TGFBI: variants seen among roughly 807,000 people sequenced by gnomAD.
The protein encoded by TGFBI is transforming growth factor-beta-induced protein ig-h3.
A neutral mutation model predicts 73.7 loss-of-function variants in TGFBI; 50 were observed. The observed-to-expected ratio is 0.68, with a 90% CI of 0.54 to 0.86. The LOEUF (loss-of-function observed/expected upper bound fraction) is 0.86, where lower values mean the gene tolerates loss of function less well. Ranked by LOEUF, TGFBI falls within the 40% of genes least tolerant of loss-of-function variation. The pLI, the probability that TGFBI is intolerant of heterozygous loss-of-function variation, is 0.00. For missense variants in TGFBI, 839 were observed against 877.0 expected (o/e 0.96, Z 0.55); for synonymous variants, 362 against 360.5 (o/e 1.00, Z -0.05).
In TGFBI at chr5:136,056,674, A is replaced by C. The variant is rs1413089151; in HGVS notation, c.1557A>C (p.Val519=). Residue 519 remains valine, a synonymous_variant, in exon 12 of 17, where the codon GTA becomes GTC. Transcript: ENST00000442011. The part of the protein sequence containing the change: ...LKGDNRFSML[V]AAIQSAGLTE... ...GTGTGTGTATCTACAGCATGCTGGT[A>C]GCTGCCATCCAGTCTGCAGGACTGA... is the stretch of plus-strand genomic sequence containing the variant. 6.2e-7 allele frequency: 1 copy of C among 1,613,966 alleles called. No individual in the cohort carries two copies. Among genetic ancestry groups the C allele is most frequent in the Admixed American group, 1.7e-5 (1 of 60,020 alleles).
At chr5:136,036,554 A>G (rs1207446257) in intron 2 of TGFBI, among the ~76,000 whole-genome samples, 2 of 152,094 alleles carry the variant, frequency 1.3e-5, no homozygotes, top group Non-Finnish European at 2.9e-5. Context: ...GTGGCTTGGC[A>G]GGGCTCCTGT....
intron 7 of TGFBI, among the ~76,000 whole-genome samples, chr5:136,051,296 G>T (rs920188554): frequency 2.0e-5 from 3 of 151,996 alleles, no homozygotes; most frequent in Non-Finnish European, 4.4e-5. Flanking sequence ...TGGGTGTGGT[G>T]GTGGCCACCT....
At chr5:136,048,628 G>A (rs1053650468) in intron 6 of TGFBI, 22 of 152,306 alleles carry the variant, frequency 1.4e-4, no homozygotes, top group African/African-American at 5.3e-4. Flanking sequence ...TGGAAAGTCA[G>A]GGAGTTCTCT....
intron 12 of TGFBI, 115 bp from the exon 13 acceptor site, chr5:136,058,975 C>T: frequency 7.5e-7 from 1 of 1,330,640 alleles, no homozygotes; most frequent in East Asian, 2.5e-5. Flanking sequence ...ATTCCCTGGG[C>T]AGGGAGTTCT....
intron 1 of TGFBI, among the ~76,000 whole-genome samples, chr5:136,030,544 C>A (rs2126900812): frequency 6.6e-6 from 1 of 152,286 alleles, no homozygotes; most frequent in East Asian, 1.9e-4. Flanking sequence ...GAGGAGAATA[C>A]TGGGGATATC....
rs1360604866 is a variant in TGFBI at position 136,029,042 on chromosome 5, C to T, written c.-14C>T. ...GTCGGTCGCTAGCTCGCTCGGTGCG[C>T]GTCGTCCCGCTCCATGGCGCTCTTC... On this transcript the variant is annotated 5_prime_UTR_variant, in exon 1 of 17. Transcript: ENST00000442011. The T allele has an allele frequency of 6.6e-7, 1 of 1,522,590 alleles. No individual in the cohort carries two copies. The highest frequency in any genetic ancestry group is 1.4e-5 in the African/African-American group (1 of 70,580). 94.3% of individuals were successfully genotyped at this position (1,522,590 alleles called of 1,614,324 possible).
At chr5:136,049,038 G>A (rs1466935809) in intron 6 of TGFBI, 3 of 194,800 alleles carry the variant, frequency 1.5e-5, no homozygotes, top group Non-Finnish European at 3.2e-5. Flanking sequence ...CATGAGTGTA[G>A]GCACAGCAGA....
In TGFBI at chr5:136,056,810, A is replaced by G. The variant is rs200202768; in HGVS notation, c.1678+15A>G. 1.1e-4 allele frequency: 179 copies of G among 1,606,824 alleles called. No individual in the cohort carries two copies. The highest frequency in any genetic ancestry group is 1.4e-4 in the Non-Finnish European group (163 of 1,176,146). On this transcript the variant is annotated intron_variant, in intron 12 of 16. Coordinates refer to ENST00000442011, the MANE Select transcript of TGFBI (RefSeq NM_000358.3). ...CAGACTCTTGGGTAAAGACCAACTT[A>G]AGTACACGTCTCCATTTTTCTAAAG...
intron 13 of TGFBI, among the ~76,000 whole-genome samples, chr5:136,060,338 A>G (rs1232252936): frequency 6.6e-6 from 1 of 152,254 alleles, no homozygotes; most frequent in Non-Finnish European, 1.5e-5. Flanking sequence ...TTAATCCACC[A>G]CACTGAAGGT....
Position 136,029,067 on chromosome 5 carries a change from C to T in TGFBI, c.12C>T (p.Phe4=), listed in dbSNP as rs1270971938. 2 of 1,527,640 alleles carry T rather than the reference C, an allele frequency of 1.3e-6. No individual in the cohort carries two copies. Among genetic ancestry groups the T allele is most frequent in the Non-Finnish European group, 1.7e-6 (2 of 1,144,250 alleles). The allele number at this position is 1,527,640 out of a possible 1,614,324, so 94.6% of individuals were successfully genotyped here. Residue 4 remains phenylalanine, a synonymous_variant, in exon 1 of 17, where the codon TTC becomes TTT. Transcript: ENST00000442011. ...CGTCGTCCCGCTCCATGGCGCTCTT[C>T]GTGCGGCTGCTGGCTCTCGCCCTGG... MAL[F]VRLLALALAL...
intron 9 of TGFBI, 165 bp from the exon 10 acceptor site, chr5:136,054,551 A>C: frequency 1.0e-6 from 1 of 980,102 alleles, no homozygotes; most frequent in South Asian, 1.3e-5. Flanking sequence ...TTAATTCTCC[A>C]TAGAAGATAC....
chr5:136,056,634 C>T, intron 11 of TGFBI, 31 bp from the exon 12 acceptor site: 1 of 1,613,572 alleles, frequency 6.2e-7, no homozygotes, highest in Non-Finnish European at 8.5e-7. Flanking sequence ...TACCTGTTGA[C>T]AGGTGACATT....
rs554888573 is a variant in TGFBI at position 136,056,794 on chromosome 5, G to A, written c.1677G>A (p.Leu559=). The change falls in exon 12 of 17, where the codon TTG becomes TTA. Residue 559 remains leucine, a splice_region_variant and synonymous_variant. Transcript: ENST00000442011. ...CACCAAGAGAACGGAGCAGACTCTT[G>A]GGTAAAGACCAACTTAAGTACACGT... ...ALPPRERSRL[L]GDAKELANIL... is the part of the protein sequence containing the mutation. 4 of 1,612,466 alleles carry A rather than the reference G, an allele frequency of 2.5e-6. No homozygotes were observed. The South Asian group carries it at 4.4e-5, about 18-fold the overall frequency.
rs74291926 is a variant in TGFBI, at chr5:136,050,028, A to C, written c.913+448A>C. The stretch of plus-strand genomic sequence containing the variant: ...CTAGGGGATTTATGGATAAACCAAA[A>C]TTACAGTTAAAAACCAGCCATAGGC... On this transcript the variant is annotated intron_variant, in intron 7 of 16. Transcript: ENST00000442011. Among the ~76,000 whole-genome samples the C allele has an allele frequency of 2.0e-5, 3 of 152,312 alleles. No individual in the cohort carries two copies. In the East Asian group the frequency reaches 5.8e-4, roughly 29 times the overall value.
At chr5:136,060,182 T>TTCAGTC (rs1751722445) in intron 13 of TGFBI, among the ~76,000 whole-genome samples, 1 of 152,230 alleles carries the variant, frequency 6.6e-6, no homozygotes, top group African/African-American at 2.4e-5. Context: ...TTCGCCTGTC[T>TTCAGTC]TCAGTCTCAG....
At chr5:136,033,602 C>T (rs772359708) in intron 1 of TGFBI, among the ~76,000 whole-genome samples, 161 bp from the exon 2 acceptor site, 1 of 152,130 alleles carries the variant, frequency 6.6e-6, no homozygotes, top group Non-Finnish European at 1.5e-5. Flanking sequence ...GTAAACAGAA[C>T]CAAAGTCTAA....
intron 2 of TGFBI, among the ~76,000 whole-genome samples, chr5:136,035,503 T>C (rs892336761): frequency 1.3e-5 from 2 of 151,468 alleles, no homozygotes; most frequent in South Asian, 2.1e-4. Context: ...CGGGCACCTG[T>C]AGTCCCAGCT....
intron 11 of TGFBI, among the ~76,000 whole-genome samples, 185 bp downstream of exon 11, chr5:136,056,001 G>A (rs894788201): frequency 3.3e-5 from 5 of 152,170 alleles, no homozygotes; most frequent in African/African-American, 1.2e-4. Context: ...AGCTTACATT[G>A]GGAAGAAGGG....
chr5:136,060,230 C>A (rs561504328), intron 13 of TGFBI, among the ~76,000 whole-genome samples: 1 of 152,340 alleles, frequency 6.6e-6, no homozygotes, highest in East Asian at 1.9e-4. Flanking sequence ...ACAATAATAT[C>A]TACTCTCCTT....
Sources: gnomAD v4.1 joint callset for allele counts (sites outside exome capture counted in the v4.1 genomes callset) on GRCh38, gnomAD v4.1.1 for gene constraint, MANE v1.5 for transcripts, NCBI Gene and HGNC (gene_info 2026-07-23, HGNC 2026-07-21) for gene names.